Variants in ZNF594 observed in about 807,000 individuals in gnomAD.
The protein encoded by ZNF594 is zinc finger protein HZF18.
For synonymous variants in ZNF594, 336 were observed against 309.4 expected (o/e 1.09, Z -0.90); for missense variants, 1,037 against 964.6 (o/e 1.08, Z -0.99).
rs1001088811 is a variant in ZNF594 at position 5,186,488 on chromosome 17, C to T, written c.-20-2212G>A. Among the ~76,000 whole-genome samples, 5 of 152,262 alleles carry T rather than the reference C, an allele frequency of 3.3e-5. 1 individual carries two copies. The highest frequency in any genetic ancestry group is 3.3e-4 in the Admixed American group (5 of 15,286). Reference sequence around the variant, plus strand: ...TCCAGGCCTGTGATGGGAGGGGCTGCTGTGAAGACTTCTGACATGCCCTGG... The same window carrying T: ...TCCAGGCCTGTGATGGGAGGGGCTGTTGTGAAGACTTCTGACATGCCCTGG... On this transcript the variant is annotated intron_variant, in intron 1 of 1. Transcript: ENST00000575779.
chr17:5,174,965 A>G (rs1410143729), downstream of ZNF594: 3 of 188,222 alleles, frequency 1.6e-5, no homozygotes, highest in African/African-American at 4.7e-5. Flanking sequence ...TATTATCCAA[A>G]CAAATTAAAT....
At position 5,182,440 on chromosome 17, in the gene ZNF594, T is replaced by C. The variant is rs766954620; in HGVS notation, c.1817A>G (p.Asn606Ser). 1.3e-5 allele frequency: 21 copies of C among 1,613,448 alleles called. No individual in the cohort carries two copies. Among genetic ancestry groups the C allele is most frequent in the Admixed American group, 1.7e-5 (1 of 59,980 alleles). ...ATGTCTCAGAAGGTCTGAGCTCTGA[T>C]TGAAAGTTTTCCCACATTCTTTGCA... ...YECKECGKTF[N>S]QSSDLLRHHR... Residue 606 changes from asparagine (N) to serine (S), a missense_variant, in exon 2 of 2, where the codon AAT becomes AGT. By Grantham distance (46) the Asn-to-Ser change is conservative. Coordinates refer to ENST00000575779, the MANE Select transcript of ZNF594 (RefSeq NM_032530.2).
chr17:5,180,650 T>C lies in ZNF594; in HGVS notation c.*1183A>G, dbSNP rs574300517. ...GAGTTCAAGTCCAGCCTGGGCAACA[T>C]AGTGAGACCTCATCTCTTTGTATGT... On this transcript the variant is annotated 3_prime_UTR_variant, in exon 2 of 2. Coordinates refer to ENST00000575779, the MANE Select transcript of ZNF594 (RefSeq NM_032530.2). 1.2e-4 allele frequency: 26 copies of C among 223,386 alleles called. No individual in the cohort carries two copies. The highest frequency in any genetic ancestry group is 5.2e-4 in the African/African-American group (22 of 42,276). The allele number at this position is 223,386 out of a possible 1,614,324, so 13.8% of individuals were successfully genotyped here.
At chr17:5,185,986 G>C (rs565203777) in intron 1 of ZNF594, among the ~76,000 whole-genome samples, 1 of 152,298 alleles carries the variant, frequency 6.6e-6, no homozygotes, top group African/African-American at 2.4e-5. Flanking sequence ...GGCTGGTGTT[G>C]AGTGTCTGCA....
intron 1 of ZNF594, chr17:5,191,329 C>G (rs2074422699): frequency 1.3e-5 from 2 of 152,216 alleles, no homozygotes; most frequent in Non-Finnish European, 2.9e-5. Flanking sequence ...AGTAGTAGAA[C>G]ATATATGAAC....
In ZNF594 at chr17:5,180,356, CA is replaced by C. The variant is rs1466911669; in HGVS notation, c.*1476del. On this transcript the variant is annotated 3_prime_UTR_variant, in exon 2 of 2. Coordinates refer to ENST00000575779, the MANE Select transcript of ZNF594 (RefSeq NM_032530.2). ...AAAGTGCTGGATTACAGGTACGAGC[CA>C]CCGCACCTGGCCTACACTCATTACT... 1 of 152,554 alleles carries C rather than the reference CA, an allele frequency of 6.6e-6. No individual in the cohort carries two copies. Among genetic ancestry groups the C allele is most frequent in the African/African-American group, 2.4e-5 (1 of 41,438 alleles). The allele number at this position is 152,554 out of a possible 1,614,324, so 9.5% of individuals were successfully genotyped here. A position where few individuals can be genotyped will look rare whatever the true frequency, so the allele number is the denominator to read the frequency against.
At position 5,179,700 on chromosome 17, in the gene ZNF594, A is replaced by T. The variant is rs1157087566; in HGVS notation, c.*2133T>A. The T allele has an allele frequency of 1.3e-5, 2 of 152,152 alleles. No individual in the cohort carries two copies. Among genetic ancestry groups the T allele is most frequent in the Non-Finnish European group, 2.9e-5 (2 of 68,026 alleles). 9.4% of individuals were successfully genotyped at this position (152,152 alleles called of 1,614,324 possible). Reference sequence around the variant, plus strand: ...GTTTACAAGTCATAGTTAATATTTCAAAAAGCCTAACATAGACGATATGTT... The same window carrying T: ...GTTTACAAGTCATAGTTAATATTTCTAAAAGCCTAACATAGACGATATGTT... On this transcript the variant is annotated 3_prime_UTR_variant, in exon 2 of 2. Transcript: ENST00000575779.
chr17:5,184,362 A>G (rs2074372839), intron 1 of ZNF594, 86 bp from the exon 2 acceptor site: 3 of 1,333,132 alleles, frequency 2.3e-6, no homozygotes, highest in Non-Finnish European at 2.0e-6. Context: ...AGGGAGGAAC[A>G]AAGAACTCAG....
Position 5,187,090 on chromosome 17 carries a change from T to C in ZNF594, c.-20-2814A>G, listed in dbSNP as rs2074390644. On this transcript the variant is annotated intron_variant, in intron 1 of 1. Transcript: ENST00000575779. ...TTTCAGCAGCACCCCTGGCACCAAT[T>C]TACTGTATTAGTATGTTTTCATGCT... 2.0e-5 allele frequency among the ~76,000 whole-genome samples: 3 copies of C among 152,206 alleles called. No individual in the cohort carries two copies. The South Asian group carries it at 6.2e-4, about 31-fold the overall frequency.
rs1392409103 is a variant in ZNF594, at chr17:5,181,311, T to C, written c.*522A>G. 1 of 1,612,754 alleles carries C rather than the reference T, an allele frequency of 6.2e-7. No individual in the cohort carries two copies. The highest frequency in any genetic ancestry group is 8.5e-7 in the Non-Finnish European group (1 of 1,178,922). ...GAAAGTTTTCCCACATTCTTTACAT[T>C]CATATGGTTTCTCTCCTGTATGAGT... On this transcript the variant is annotated 3_prime_UTR_variant, in exon 2 of 2. Coordinates refer to ENST00000575779, the MANE Select transcript of ZNF594 (RefSeq NM_032530.2).
In ZNF594 at chr17:5,181,945, T is replaced by C. The variant is rs2074344744; in HGVS notation, c.2312A>G (p.Gln771Arg). The change falls in exon 2 of 2, where the codon CAG becomes CGG. Residue 771 changes from glutamine to arginine, a missense_variant. Gln to Arg is a conservative substitution (Grantham distance 43). Coordinates refer to ENST00000575779, the MANE Select transcript of ZNF594 (RefSeq NM_032530.2). ...YWCNQCSRTFQGSSDLIRHQV... is the reference protein window; with the variant it reads ...YWCNQCSRTFRGSSDLIRHQV... ...ATGTCTGATGAGATCTGAGCTGCCC[T>C]GGAAGGTCCTACTACACTGATTACA... 3 of 1,613,908 alleles carry C rather than the reference T, an allele frequency of 1.9e-6. No individual in the cohort carries two copies. In the East Asian group the frequency reaches 6.7e-5, roughly 36 times the overall value.
chr17:5,177,913 C>T (rs560297251), downstream of ZNF594, among the ~76,000 whole-genome samples: 52 of 152,102 alleles, frequency 3.4e-4, no homozygotes, highest in African/African-American at 1.1e-3. Flanking sequence ...CTACATATAC[C>T]GAAGGATTTG....
In ZNF594 at chr17:5,181,868, T is replaced by C; in HGVS notation, c.2389A>G (p.Thr797Ala). Residue 797 changes from threonine (T) to alanine (A), a missense_variant, in exon 2 of 2, where the codon ACT (threonine) becomes GCT (alanine). Thr to Ala is a moderately conservative substitution (Grantham distance 58). Coordinates refer to ENST00000575779, the MANE Select transcript of ZNF594 (RefSeq NM_032530.2). ...KPYECKECGK[T>A]QSELRPSETS ...TCAGAAGGTCTGAGCTCTGATTGAGTTTTCCCACATTCTTTACATTCATAT... is the reference window on the plus strand; with the variant it reads ...TCAGAAGGTCTGAGCTCTGATTGAGCTTTCCCACATTCTTTACATTCATAT... 1 of 1,613,754 alleles carries C rather than the reference T, an allele frequency of 6.2e-7. No homozygotes were observed.
chr17:5,185,607 T>A (rs2074381177), intron 1 of ZNF594, among the ~76,000 whole-genome samples: 1 of 152,152 alleles, frequency 6.6e-6, no homozygotes, highest in African/African-American at 2.4e-5. Flanking sequence ...AAGTCTCATC[T>A]CATTTCAGCA....
intron 1 of ZNF594, among the ~76,000 whole-genome samples, chr17:5,184,938 C>T (rs1467601874): frequency 1.3e-5 from 2 of 152,150 alleles, no homozygotes; most frequent in African/African-American, 4.8e-5. Flanking sequence ...CTCTTTCCTC[C>T]CTATATATCA....
chr17:5,176,970 C>T (rs139853959), downstream of ZNF594, among the ~76,000 whole-genome samples: 1,224 of 151,464 alleles, frequency 8.1e-3, 16 homozygotes, highest in African/African-American at 0.028. Context: ...CCGAGGCAGG[C>T]GGATCACGAG....
rs773349265 is a variant in ZNF594, at chr17:5,182,234, T to C, written c.2023A>G (p.Thr675Ala). 6.2e-7 allele frequency: 1 copy of C among 1,613,484 alleles called. No homozygotes were observed. Among genetic ancestry groups the C allele is most frequent in the South Asian group, 1.1e-5 (1 of 91,050 alleles). The part of the protein sequence containing the change: ...SHLATHQKIH[T>A]GEKPYQCSEC... Reference sequence around the variant, plus strand: ...CTGCACTGATAGGGTTTCTCTCCAGTATGGATTTTCTGGTGTGTAGCAAGG... The same window carrying C: ...CTGCACTGATAGGGTTTCTCTCCAGCATGGATTTTCTGGTGTGTAGCAAGG... Residue 675 changes from threonine (T) to alanine (A), a missense_variant, in exon 2 of 2, where the codon ACT becomes GCT. Physicochemically the swap from Thr to Ala is moderately conservative, Grantham distance 58 (BLOSUM62 0). Coordinates refer to ENST00000575779, the MANE Select transcript of ZNF594 (RefSeq NM_032530.2).
At chr17:5,184,903 C>T (rs753867071) in intron 1 of ZNF594, among the ~76,000 whole-genome samples, 1 of 152,092 alleles carries the variant, frequency 6.6e-6, no homozygotes, top group Admixed American at 6.5e-5. Flanking sequence ...AGTTGAGAGG[C>T]AATAAATTAA....
At position 5,181,983 on chromosome 17, in the gene ZNF594, C is replaced by A. The variant is rs544261849; in HGVS notation, c.2274G>T (p.Lys758Asn). ...TACACTGATTACACCAATAAACTTTCTTTTCCTGGTGAGTTCTCTGCTCTT... is the reference window on the plus strand; with the variant it reads ...TACACTGATTACACCAATAAACTTTATTTTCCTGGTGAGTTCTCTGCTCTT... ...LRKEQRTHQE[K>N]KVYWCNQCSR... is the part of the protein sequence containing the mutation. Residue 758 changes from lysine (K) to asparagine (N), a missense_variant, in exon 2 of 2, where the codon AAG becomes AAT. Transcript: ENST00000575779. 2.6e-5 allele frequency: 42 copies of A among 1,613,524 alleles called. No homozygotes were observed. The South Asian group carries it at 4.4e-4, about 17-fold the overall frequency.
Sources: allele counts gnomAD v4.1 joint callset (sites outside exome capture counted in the v4.1 genomes callset), GRCh38; gene constraint gnomAD v4.1.1; transcripts MANE v1.5; gene names NCBI Gene and HGNC (gene_info 2026-07-23, HGNC 2026-07-21).